DDX25: variants seen among roughly 807,000 people sequenced by gnomAD.
DDX25 encodes DEAD-box helicase 25, also known as ATP-dependent RNA helicase DDX25.
In DDX25, 70 loss-of-function variants were observed where a neutral mutation model predicts 64.6. The observed-to-expected ratio is 1.08, with a 90% confidence interval of 0.89 to 1.32. DDX25 has a LOEUF of 1.32. Ranked by LOEUF, DDX25 falls within the 40% of genes most tolerant of loss-of-function variation. DDX25 has a pLI of 0.00. For synonymous variants in DDX25, 211 were observed against 213.3 expected, an observed-to-expected ratio of 0.99 and a Z score of 0.09; for missense variants, 587 against 604.4, an observed-to-expected ratio of 0.97 and a Z score of 0.30.
intron 10 of DDX25, among the ~76,000 whole-genome samples, chr11:125,919,569 T>TC (rs561827207): frequency 0.38 from 55,625 of 145,824 alleles, 10,583 homozygotes; most frequent in Non-Finnish European, 0.41. Context: ...TTTTTTTTTT[T>TC]TCAAGAGAAG....
intron 4 of DDX25, among the ~76,000 whole-genome samples, chr11:125,907,181 C>T (rs1368982412): frequency 6.6e-6 from 1 of 152,182 alleles, no homozygotes; most frequent in Non-Finnish European, 1.5e-5. Context: ...CTGAAACCTA[C>T]TTATGTAAAG....
chr11:125,921,117 G>T lies in DDX25; in HGVS notation c.1202-74G>T. 7.2e-7 allele frequency: 1 copy of T among 1,392,784 alleles called. No homozygotes were observed. Among genetic ancestry groups the T allele is most frequent in the South Asian group, 1.5e-5 (1 of 65,892 alleles). 86.3% of individuals were successfully genotyped at this position (1,392,784 alleles called of 1,614,324 possible). ...TTCTCTATAAATAGGAATTCCCTTG[G>T]CAGACGTGGTACTTGAATGGCCCGT... On this transcript the variant is annotated intron_variant, in intron 10 of 11. Coordinates refer to ENST00000263576, the MANE Select transcript of DDX25 (RefSeq NM_013264.5). This position sits in a 1 kb window ranked among gnomAD's most constrained non-coding sequence, Gnocchi z 4.1.
intron 3 of DDX25, 54 bp from the exon 4 acceptor site, chr11:125,906,020 A>G (rs1378111345): frequency 6.7e-7 from 1 of 1,500,590 alleles, no homozygotes. Context: ...AGAGCAACTT[A>G]TTTGATGTCA....
At chr11:125,912,008 G>C (rs766234611) in intron 8 of DDX25, among the ~76,000 whole-genome samples, 3 of 152,196 alleles carry the variant, frequency 2.0e-5, no homozygotes, top group Non-Finnish European at 4.4e-5. Context: ...TACTGAATGA[G>C]AGTTTCTGTA....
At chr11:125,907,237 G>T (rs1235627106) in intron 4 of DDX25, among the ~76,000 whole-genome samples, 1 of 152,150 alleles carries the variant, frequency 6.6e-6, no homozygotes, top group Admixed American at 6.5e-5. Context: ...CTAAATGGTA[G>T]AAGAAGCCTA....
intron 11 of DDX25, chr11:125,922,534 T>A (rs1945128392): frequency 3.1e-6 from 1 of 327,486 alleles, no homozygotes; most frequent in Non-Finnish European, 5.6e-6. Flanking sequence ...AAGGCCCTGG[T>A]CTCAGGAAGT....
At chr11:125,920,953 C>T (rs1591521794) in intron 10 of DDX25, 5 of 492,646 alleles carry the variant, frequency 1.0e-5, no homozygotes, top group South Asian at 8.0e-5. Flanking sequence ...CACACACACA[C>T]GCCTTGTGTA....
intron 9 of DDX25, among the ~76,000 whole-genome samples, chr11:125,917,517 G>T (rs1945054300): frequency 2.0e-5 from 3 of 152,192 alleles, no homozygotes. Context: ...CCCCATTTCA[G>T]CTTATGTTTA....
intron 10 of DDX25, among the ~76,000 whole-genome samples, chr11:125,919,253 T>C (rs112559385): frequency 7.9e-5 from 12 of 152,298 alleles, no homozygotes; most frequent in African/African-American, 2.9e-4. Context: ...TAACAAAAAT[T>C]CATGTGCAGG....
chr11:125,904,302 TCCGCCCCGCTCTCTGC>T (rs1944841456), upstream of DDX25: 7 of 103,512 alleles, frequency 6.8e-5, no homozygotes, highest in South Asian at 3.4e-3. Flanking sequence ...CTCTCTGCCC[TCCGCCCCGCTCTCTGC>T]CCCCCGCCCC....
At chr11:125,912,492 G>A (rs1470724106) in intron 8 of DDX25, among the ~76,000 whole-genome samples, 1 of 152,192 alleles carries the variant, frequency 6.6e-6, no homozygotes, top group Non-Finnish European at 1.5e-5. Flanking sequence ...TCAAGTCCCT[G>A]ATGTAAAATG....
At chr11:125,907,457 A>AC (rs1270981938) in intron 4 of DDX25, among the ~76,000 whole-genome samples, 1 of 152,026 alleles carries the variant, frequency 6.6e-6, no homozygotes, top group African/African-American at 2.4e-5. Context: ...AAATACAAAA[A>AC]ATTAGCCAGG....
intron 9 of DDX25, 48 bp downstream of exon 9, chr11:125,917,299 C>T: frequency 2.0e-6 from 3 of 1,529,454 alleles, no homozygotes; most frequent in Non-Finnish European, 2.6e-6. Context: ...TGCCTACAGG[C>T]CGAGGTGGGG....
chr11:125,906,959 A>G (rs1240106714), intron 4 of DDX25, among the ~76,000 whole-genome samples: 2 of 152,212 alleles, frequency 1.3e-5, no homozygotes, highest in Non-Finnish European at 2.9e-5. Context: ...AGCTAGGCAC[A>G]GCCAGATTGC....
intron 10 of DDX25, among the ~76,000 whole-genome samples, chr11:125,919,953 G>A (rs900619507): frequency 1.3e-5 from 2 of 152,156 alleles, no homozygotes; most frequent in Admixed American, 1.3e-4. Flanking sequence ...TAGCCACATG[G>A]TGCTAACATT....
At chr11:125,919,017 AT>A (rs1274862850) in intron 10 of DDX25, among the ~76,000 whole-genome samples, 2 of 151,900 alleles carry the variant, frequency 1.3e-5, no homozygotes, top group Non-Finnish European at 2.9e-5. Flanking sequence ...CTGTCTCCAT[AT>A]TTTTGGAGAC....
In DDX25 at chr11:125,927,341, A is replaced by C. The variant is rs75370472; in HGVS notation, c.*4460A>C. The C allele has an allele frequency of 6.9e-6, 1 of 144,728 alleles. No homozygotes were observed. The highest frequency in any genetic ancestry group is 2.0e-4 in the East Asian group (1 of 4,916). 9.0% of individuals were successfully genotyped at this position (144,728 alleles called of 1,614,324 possible). A position where few individuals can be genotyped will look rare whatever the true frequency, so the allele number is the denominator to read the frequency against. ...ATCAGCCTTCCATCTCTGCTGAGGT[A>C]GAAACAGCCAGAGGCTCTGATATAA... is the stretch of plus-strand genomic sequence containing the variant. On this transcript the variant is annotated 3_prime_UTR_variant, in exon 12 of 12. Transcript: ENST00000263576.
chr11:125,904,485 C>A, upstream of DDX25: 2 of 1,465,280 alleles, frequency 1.4e-6, no homozygotes, highest in Non-Finnish European at 9.0e-7. Flanking sequence ...GTGGTGGAAG[C>A]ACGTGCTGGG....
upstream of DDX25, chr11:125,904,447 C>A: frequency 7.6e-7 from 1 of 1,321,112 alleles, no homozygotes. Context: ...CATTGGCCAG[C>A]GGATGGGGCC....
Sources: gnomAD v4.1 joint callset for allele counts (sites outside exome capture counted in the v4.1 genomes callset) on GRCh38, gnomAD v4.1.1 for gene constraint, Gnocchi (gnomAD v3.1) non-coding constraint, MANE v1.5 for transcripts, NCBI Gene and HGNC (gene_info 2026-07-23, HGNC 2026-07-21) for gene names.